LIPI: variants seen among roughly 807,000 people sequenced by gnomAD.
The protein encoded by LIPI is lipase member I.
Under a neutral mutation model 50.6 loss-of-function variants are expected in LIPI, and 59 were observed. The ratio of observed to expected loss-of-function variants is 1.16; its 90% CI spans 0.94 to 1.45. LIPI has a LOEUF of 1.45. Among genes scored for constraint, LIPI ranks in the 40% most tolerant of loss-of-function variants. The pLI is 0.00. For synonymous variants in LIPI, 203 were observed against 178.2 expected, an observed-to-expected ratio of 1.14 and a Z score of -1.11; for missense variants, 586 against 536.3, an observed-to-expected ratio of 1.09 and a Z score of -0.92.
chr21:14,199,387 A>G (rs2019971672), intron 1 of LIPI, among the ~76,000 whole-genome samples: 2 of 151,914 alleles, frequency 1.3e-5, no homozygotes, highest in Admixed American at 6.6e-5. Context: ...AGTCAAATAA[A>G]CGGAATCAGT....
Position 14,200,707 on chromosome 21 carries a change from A to G in LIPI, c.46+10093T>C, listed in dbSNP as rs185502072. Among the ~76,000 whole-genome samples, 24 of 152,198 alleles carry G rather than the reference A, an allele frequency of 1.6e-4. No individual in the cohort carries two copies. In the East Asian group the frequency reaches 4.4e-3, roughly 28 times the overall value. On this transcript the variant is annotated intron_variant, in intron 1 of 9. Transcript: ENST00000681601. ...CTGCCCAAAGCAATTTATAGATTCA[A>G]TGTGATTCCTATTAAACTACCATTG...
chr21:14,203,219 C>A (rs1600939167), intron 1 of LIPI, among the ~76,000 whole-genome samples: 2 of 152,106 alleles, frequency 1.3e-5, no homozygotes, highest in Admixed American at 6.5e-5. Flanking sequence ...AATAGGAACA[C>A]TTTTACACTG....
chr21:14,117,235 A>G (rs1256099584), intron 9 of LIPI, among the ~76,000 whole-genome samples: 1 of 152,184 alleles, frequency 6.6e-6, no homozygotes, highest in East Asian at 1.9e-4. Context: ...GACATTTTCA[A>G]CTGTAAACAG....
chr21:14,173,157 C>T (rs186566523), intron 4 of LIPI, among the ~76,000 whole-genome samples: 244 of 152,280 alleles, frequency 1.6e-3, no homozygotes, highest in African/African-American at 5.8e-3. Flanking sequence ...TGTGCGAATA[C>T]GCTCGGCGAA....
intron 9 of LIPI, among the ~76,000 whole-genome samples, chr21:14,110,966 A>AT (rs1449023100): frequency 9.4e-5 from 14 of 148,614 alleles, no homozygotes; most frequent in African/African-American, 3.4e-4. Context: ...TACATATTAT[A>AT]TTTTTCTTAC....
At chr21:14,163,619 C>T in intron 6 of LIPI, 96 bp from the exon 7 acceptor site, 1 of 719,616 alleles carries the variant, frequency 1.4e-6, no homozygotes, top group Non-Finnish European at 2.6e-6. Context: ...TGCATATAAT[C>T]ATCATAATGA....
At chr21:14,153,906 T>G (rs1350742663) in intron 7 of LIPI, among the ~76,000 whole-genome samples, 3 of 152,122 alleles carry the variant, frequency 2.0e-5, no homozygotes, top group African/African-American at 7.2e-5. Context: ...CCAGAAAACA[T>G]GAAATTTAAG....
At chr21:14,168,007 G>A (rs955532555) in intron 4 of LIPI, among the ~76,000 whole-genome samples, 6 of 152,206 alleles carry the variant, frequency 3.9e-5, no homozygotes, top group Admixed American at 6.5e-5. Context: ...AAGCCATACA[G>A]GGAAGTGCTT....
At chr21:14,112,117 G>T (rs565609842) in intron 9 of LIPI, among the ~76,000 whole-genome samples, 6 of 152,018 alleles carry the variant, frequency 3.9e-5, no homozygotes, top group Non-Finnish European at 8.8e-5. Flanking sequence ...TGTGCTCTTG[G>T]AACCTTTGTT....
chr21:14,127,309 G>A (rs2017103972), intron 9 of LIPI, among the ~76,000 whole-genome samples: 1 of 152,158 alleles, frequency 6.6e-6, no homozygotes, highest in Non-Finnish European at 1.5e-5. Context: ...AAAGCAAATA[G>A]ATGGTTTCAG....
At chr21:14,124,576 C>T (rs2016984225) in intron 9 of LIPI, among the ~76,000 whole-genome samples, 3 of 152,102 alleles carry the variant, frequency 2.0e-5, no homozygotes, top group Non-Finnish European at 4.4e-5. Context: ...AACATGGTTT[C>T]CCAGGTATGT....
intron 9 of LIPI, among the ~76,000 whole-genome samples, chr21:14,134,839 A>G (rs2017431538): frequency 6.6e-6 from 1 of 152,194 alleles, no homozygotes; most frequent in South Asian, 2.1e-4. Context: ...ATTAAAAAAA[A>G]TCTTAGAAGA....
At chr21:14,162,568 T>C (rs2123143664) in intron 7 of LIPI, among the ~76,000 whole-genome samples, 1 of 152,072 alleles carries the variant, frequency 6.6e-6, no homozygotes, top group South Asian at 2.1e-4. Flanking sequence ...AACTAAAGTA[T>C]ATACAGTATC....
intron 9 of LIPI, among the ~76,000 whole-genome samples, chr21:14,140,742 G>T (rs1005241022): frequency 2.6e-5 from 4 of 151,708 alleles, no homozygotes; most frequent in African/African-American, 4.8e-5. Context: ...TTCTATTTTG[G>T]AATTTTCCAT....
At chr21:14,156,684 T>C (rs1329277005) in intron 7 of LIPI, among the ~76,000 whole-genome samples, 1 of 151,874 alleles carries the variant, frequency 6.6e-6, no homozygotes, top group Middle Eastern at 3.2e-3. Flanking sequence ...AAAAAACATA[T>C]ACAAGTGGAA....
intron 4 of LIPI, among the ~76,000 whole-genome samples, chr21:14,176,443 A>G (rs1214704720): frequency 4.0e-5 from 6 of 151,838 alleles, no homozygotes; most frequent in Admixed American, 2.6e-4. Flanking sequence ...CTATACATTA[A>G]CTTCTAGCCA....
At chr21:14,111,886 C>A (rs1392760155) in intron 9 of LIPI, among the ~76,000 whole-genome samples, 1 of 151,920 alleles carries the variant, frequency 6.6e-6, no homozygotes, top group African/African-American at 2.4e-5. Context: ...GGTACATGTG[C>A]AGGTTTGTTA....
intron 9 of LIPI, among the ~76,000 whole-genome samples, chr21:14,129,121 G>A (rs1032397435): frequency 3.9e-4 from 60 of 151,980 alleles, no homozygotes; most frequent in Non-Finnish European, 3.5e-4. Context: ...TAATTATGAC[G>A]TGGTCAGCCT....
At chr21:14,206,974 T>G (rs200884478) in intron 1 of LIPI, 3 of 1,243,192 alleles carry the variant, frequency 2.4e-6, no homozygotes, top group Admixed American at 1.7e-5. Context: ...TCATGTATAA[T>G]AAGAAGGAAG....
Sources: gnomAD v4.1 joint callset for allele counts (sites outside exome capture counted in the v4.1 genomes callset) on GRCh38, gnomAD v4.1.1 for gene constraint, MANE v1.5 for transcripts, NCBI Gene and HGNC (gene_info 2026-07-23, HGNC 2026-07-21) for gene names.